MED18: variants seen among roughly 807,000 people sequenced by gnomAD.
The protein encoded by MED18 is mediator of RNA polymerase II transcription subunit 18.
In MED18, 10 loss-of-function variants were observed where a neutral mutation model predicts 13.9. The observed-to-expected ratio is 0.72, with a 90% CI of 0.44 to 1.22. MED18 has a LOEUF of 1.22. Ranked by LOEUF, MED18 falls within the 50% of genes most tolerant of loss-of-function variation. The pLI is 0.00. For synonymous variants in MED18, 88 were observed against 93.2 expected, an observed-to-expected ratio of 0.94 and a Z score of 0.32; for missense variants, 216 against 279.0, an observed-to-expected ratio of 0.77 and a Z score of 1.61.
At chr1:28,331,078 C>T (rs1649715861) in intron 2 of MED18, among the ~76,000 whole-genome samples, 1 of 151,574 alleles carries the variant, frequency 6.6e-6, no homozygotes, top group African/African-American at 2.4e-5. Context: ...CCTGTAGTCC[C>T]AGCTACTCAG....
rs575052830 is a variant in MED18 at position 28,330,617 on chromosome 1, G to C, written c.-46G>C. The C allele has an allele frequency of 3.9e-6, 6 of 1,524,472 alleles. No individual in the cohort carries two copies. In the African/African-American group the frequency reaches 4.1e-5, roughly 11 times the overall value. The allele number at this position is 1,524,472 out of a possible 1,614,324, so 94.4% of individuals were successfully genotyped here. On this transcript the variant is annotated 5_prime_UTR_variant, in exon 2 of 3. Coordinates refer to ENST00000373842, the MANE Select transcript of MED18 (RefSeq NM_017638.3). ...TCCAGGTATATCCCGTGCCTTACCTGACTGGGGGCTCTGAGTCCAGTTGTG... is the reference window on the plus strand; with the variant it reads ...TCCAGGTATATCCCGTGCCTTACCTCACTGGGGGCTCTGAGTCCAGTTGTG...
intron 2 of MED18, among the ~76,000 whole-genome samples, chr1:28,331,439 G>C (rs1467919473): frequency 1.3e-5 from 2 of 151,766 alleles, no homozygotes; most frequent in Admixed American, 6.6e-5. Flanking sequence ...AGGGATTCTT[G>C]TGTCTCAGCC....
At position 28,332,402 on chromosome 1, in the gene MED18, C is replaced by G. The variant is rs374693124; in HGVS notation, c.73+1667C>G. 2.1e-4 allele frequency among the ~76,000 whole-genome samples: 32 copies of G among 151,076 alleles called. No individual in the cohort carries two copies. In the East Asian group the frequency reaches 2.5e-3, roughly 12 times the overall value. On this transcript the variant is annotated intron_variant, in intron 2 of 2. Coordinates refer to ENST00000373842, the MANE Select transcript of MED18 (RefSeq NM_017638.3). The stretch of plus-strand genomic sequence containing the variant: ...CTATAGCCTGGAGACAGAGTGAGAC[C>G]CTACCTAAAAAAAAAAAACAAAACT...
chr1:28,329,403 A>C (rs1290678849), intron 1 of MED18, among the ~76,000 whole-genome samples: 1 of 147,442 alleles, frequency 6.8e-6, no homozygotes, highest in Non-Finnish European at 1.5e-5. Context: ...CTCCTGCCTC[A>C]GCCTCCTGAG....
Position 28,335,029 on chromosome 1 carries a change from CTTT to C in MED18, c.*64_*66del. The C allele has an allele frequency of 6.8e-7, 1 of 1,472,890 alleles. No homozygotes were observed. The highest frequency in any genetic ancestry group is 9.2e-7 in the Non-Finnish European group (1 of 1,088,964). The allele number at this position is 1,472,890 out of a possible 1,614,324, so 91.2% of individuals were successfully genotyped here. A position where few individuals can be genotyped will look rare whatever the true frequency, so the allele number is the denominator to read the frequency against. ...TTACTTGTTTGAAAAAATATGTTTGCTTTTTTTGGTTTTTGTTTTGTTTTGTTT... is the reference window on the plus strand; with the variant it reads ...TTACTTGTTTGAAAAAATATGTTTGCTTTTGGTTTTTGTTTTGTTTTGTTT... On this transcript the variant is annotated 3_prime_UTR_variant, in exon 3 of 3. Transcript: ENST00000373842.
chr1:28,330,531 C>A, intron 1 of MED18, 66 bp from the exon 2 acceptor site: 1 of 600,256 alleles, frequency 1.7e-6, no homozygotes, highest in Non-Finnish European at 2.9e-6. Context: ...ATTTGAAGGC[C>A]AGTGCCACAA....
At chr1:28,329,455 T>A (rs1328883815) in intron 1 of MED18, among the ~76,000 whole-genome samples, 6 of 151,856 alleles carry the variant, frequency 4.0e-5, no homozygotes, top group Admixed American at 3.9e-4. Context: ...CTGGCTAATT[T>A]TTTGTATTTT....
In MED18 at chr1:28,334,587, C is replaced by T. The variant is rs1649863484; in HGVS notation, c.244C>T (p.Pro82Ser). The part of the protein sequence containing the change: ...ARRSMDRAGA[P>S]WHLRYLGQPE... ...ACGCTCTATGGACAGGGCAGGGGCA[C>T]CCTGGCATCTGCGCTACCTGGGACA... The change falls in exon 3 of 3, where the codon CCC becomes TCC. Residue 82 changes from proline to serine, a missense_variant. Coordinates refer to ENST00000373842, the MANE Select transcript of MED18 (RefSeq NM_017638.3). 2 of 1,614,056 alleles carry T rather than the reference C, an allele frequency of 1.2e-6. No homozygotes were observed. Among genetic ancestry groups the T allele is most frequent in the East Asian group, 2.2e-5 (1 of 44,900 alleles).
In MED18 at chr1:28,334,580, A is replaced by G; in HGVS notation, c.237A>G (p.Ala79=). The part of the protein sequence containing the change: ...VLRARRSMDR[A]GAPWHLRYLG... ...GGGCCCGACGCTCTATGGACAGGGC[A>G]GGGGCACCCTGGCATCTGCGCTACC... The change falls in exon 3 of 3, where the codon GCA becomes GCG. Residue 79 remains alanine (A), a synonymous_variant. Coordinates refer to ENST00000373842, the MANE Select transcript of MED18 (RefSeq NM_017638.3). 1 of 1,614,180 alleles carries G rather than the reference A, an allele frequency of 6.2e-7. No individual in the cohort carries two copies. Among genetic ancestry groups the G allele is most frequent in the Non-Finnish European group, 8.5e-7 (1 of 1,180,026 alleles).
At chr1:28,329,562 A>G (rs1649638471) in intron 1 of MED18, among the ~76,000 whole-genome samples, 1 of 151,948 alleles carries the variant, frequency 6.6e-6, no homozygotes, top group Admixed American at 6.6e-5. Context: ...TACTGAGATT[A>G]CAGGCGTGAG....
chr1:28,334,493 T>C lies in MED18; in HGVS notation c.150T>C (p.Thr50=). Residue 50 remains threonine (T), a synonymous_variant, in exon 3 of 3, where the codon ACT becomes ACC. Coordinates refer to ENST00000373842, the MANE Select transcript of MED18 (RefSeq NM_017638.3). The stretch of plus-strand genomic sequence containing the variant: ...TGTGTGACAACATGGAACCTGAGAC[T>C]TTCCTTGACCATGAGATGGTATTCC... ...RGLCDNMEPE[T]FLDHEMVFLL... 1 of 1,614,192 alleles carries C rather than the reference T, an allele frequency of 6.2e-7. No homozygotes were observed. The highest frequency in any genetic ancestry group is 8.5e-7 in the Non-Finnish European group (1 of 1,180,036).
intron 2 of MED18, 153 bp downstream of exon 2, chr1:28,330,888 A>C (rs568382790): frequency 4.0e-6 from 2 of 502,556 alleles, no homozygotes; most frequent in Non-Finnish European, 6.8e-6. Context: ...TATATGCACT[A>C]AACATACTAA....
At chr1:28,329,366 A>C (rs1372712129) in intron 1 of MED18, among the ~76,000 whole-genome samples, 186 bp downstream of exon 1, 1 of 136,360 alleles carries the variant, frequency 7.3e-6, no homozygotes, top group Non-Finnish European at 1.5e-5. Context: ...GGCTCACCGC[A>C]ACCTCGCCTT....
intron 2 of MED18, among the ~76,000 whole-genome samples, chr1:28,333,582 C>T (rs1649814955): frequency 6.6e-6 from 1 of 152,166 alleles, no homozygotes; most frequent in Admixed American, 6.6e-5. Flanking sequence ...AAACTTTAGC[C>T]AGGTGCAGTG....
intron 2 of MED18, among the ~76,000 whole-genome samples, chr1:28,334,074 T>C (rs1036108219): frequency 7.9e-5 from 12 of 151,970 alleles, no homozygotes; most frequent in Non-Finnish European, 1.8e-4. Flanking sequence ...CAAAAATAAA[T>C]AAATACATAA....
chr1:28,333,599 T>G (rs1649815763), intron 2 of MED18, among the ~76,000 whole-genome samples: 1 of 152,222 alleles, frequency 6.6e-6, no homozygotes, highest in East Asian at 1.9e-4. Flanking sequence ...AGTGGCTCCA[T>G]GCCTGTAATC....
chr1:28,330,389 T>C lies in MED18; in HGVS notation c.-66-208T>C. 1.0e-5 allele frequency: 3 copies of C among 300,746 alleles called. No individual in the cohort carries two copies. In the South Asian group the frequency reaches 1.0e-4, roughly 10 times the overall value. The allele number at this position is 300,746 out of a possible 1,614,324, so 18.6% of individuals were successfully genotyped here. ...AAGATTGCACAGGTAATGTGGAGGT[T>C]TCAGAACTTGAGACTAGAAGGTAAT... On this transcript the variant is annotated intron_variant, in intron 1 of 2. Coordinates refer to ENST00000373842, the MANE Select transcript of MED18 (RefSeq NM_017638.3).
chr1:28,329,149 G>C lies in MED18; in HGVS notation c.-98G>C, dbSNP rs371095850. ...GGTGCGCGGGTGGATATAATTCCCGGCTTCTCGAGAAGACACTACAGCCTC... is the reference window on the plus strand; with the variant it reads ...GGTGCGCGGGTGGATATAATTCCCGCCTTCTCGAGAAGACACTACAGCCTC... On this transcript the variant is annotated 5_prime_UTR_variant, in exon 1 of 3. Coordinates refer to ENST00000373842, the MANE Select transcript of MED18 (RefSeq NM_017638.3). 1.4e-4 allele frequency: 22 copies of C among 152,302 alleles called. No individual in the cohort carries two copies. Among genetic ancestry groups the C allele is most frequent in the African/African-American group, 2.2e-4 (9 of 41,558 alleles). The allele number at this position is 152,302 out of a possible 1,614,324, so 9.4% of individuals were successfully genotyped here. A position where few individuals can be genotyped will look rare whatever the true frequency, so the allele number is the denominator to read the frequency against.
chr1:28,334,215 A>C (rs1649843828), intron 2 of MED18, among the ~76,000 whole-genome samples: 2 of 152,228 alleles, frequency 1.3e-5, no homozygotes, highest in African/African-American at 4.8e-5. Context: ...ATTCCAAAAA[A>C]ATTGAAAAGG....
Sources: gnomAD v4.1 joint callset for allele counts (sites outside exome capture counted in the v4.1 genomes callset) on GRCh38, gnomAD v4.1.1 for gene constraint, MANE v1.5 for transcripts, NCBI Gene and HGNC (gene_info 2026-07-23, HGNC 2026-07-21) for gene names.